MED26: variants seen among roughly 807,000 people sequenced by gnomAD.
The protein encoded by MED26 is mediator of RNA polymerase II transcription subunit 26.
A neutral mutation model predicts 43.7 loss-of-function variants in MED26; 7 were observed. The ratio of observed to expected loss-of-function variants is 0.16; its 90% CI spans 0.09 to 0.30. The LOEUF (loss-of-function observed/expected upper bound fraction) is 0.30, where lower values mean the gene tolerates loss of function less well. MED26 is among the 10% of genes least tolerant of loss of function. The probability of loss-of-function intolerance (pLI) is 1.00; values close to 1 mark genes in which losing one functional copy is unlikely to be tolerated. For synonymous variants in MED26, 375 were observed against 371.1 expected (o/e 1.01, Z -0.12); for missense variants, 784 against 840.6 (o/e 0.93, Z 0.83).
intron 1 of MED26, among the ~76,000 whole-genome samples, chr19:16,603,538 T>C (rs1198087037): frequency 6.6e-6 from 1 of 152,188 alleles, no homozygotes; most frequent in Admixed American, 6.5e-5. Flanking sequence ...AGGGCCTTTC[T>C]GAATGCTAAT....
At chr19:16,613,182 C>T (rs56200267) in intron 1 of MED26, among the ~76,000 whole-genome samples, 23,410 of 152,132 alleles carry the variant, frequency 0.15, 2,734 homozygotes, top group African/African-American at 0.33. Context: ...TGTAGAGATT[C>T]GAATCCAGGT....
In MED26 at chr19:16,601,250, G is replaced by C. The variant is rs537792748; in HGVS notation, c.73-22841C>G. Among the ~76,000 whole-genome samples the C allele has an allele frequency of 1.3e-4, 20 of 151,724 alleles. No homozygotes were observed. The South Asian group carries it at 2.5e-3, about 19-fold the overall frequency. ...GGCTCACCACAACCTCTGCTTCCTG[G>C]ATTCAAGCGATTCTCCTGCCTCAGC... On this transcript the variant is annotated intron_variant, in intron 1 of 2. Transcript: ENST00000263390.
chr19:16,592,396 G>C (rs1388827300), intron 1 of MED26, among the ~76,000 whole-genome samples: 1 of 152,200 alleles, frequency 6.6e-6, no homozygotes, highest in African/African-American at 2.4e-5. Context: ...GGTGTGACAG[G>C]GTCCAGACAA....
Position 16,586,928 on chromosome 19 carries a change from T to TA in MED26, c.73-8520dup, listed in dbSNP as rs1009390040. On this transcript the variant is annotated intron_variant, in intron 1 of 2. Coordinates refer to ENST00000263390, the MANE Select transcript of MED26 (RefSeq NM_004831.5). This position sits in a 1 kb window ranked among gnomAD's most constrained non-coding sequence, Gnocchi z 5.1. ...TGTTGTCGGGTTTTTTTTTTTTTTT[T>TA]AATGCAGAATGGTCTAGACAGTAAT... is the stretch of plus-strand genomic sequence containing the variant. 1 of 151,586 alleles carries TA rather than the reference T, an allele frequency of 6.6e-6. No individual in the cohort carries two copies. The highest frequency in any genetic ancestry group is 2.4e-5 in the African/African-American group (1 of 41,246). The allele number at this position is 151,586 out of a possible 1,614,324, so 9.4% of individuals were successfully genotyped here.
chr19:16,618,994 G>A (rs144101207), intron 1 of MED26, among the ~76,000 whole-genome samples: 183 of 152,188 alleles, frequency 1.2e-3, no homozygotes, highest in African/African-American at 4.2e-3. Context: ...TCACCTGACC[G>A]CAGACTTGCC....
chr19:16,616,657 G>C (rs891343012), intron 1 of MED26, among the ~76,000 whole-genome samples: 1 of 152,220 alleles, frequency 6.6e-6, no homozygotes, highest in Non-Finnish European at 1.5e-5. Flanking sequence ...GGGCTGTCTA[G>C]ACATCCAGGC....
Position 16,575,870 on chromosome 19 carries a change from G to A in MED26, c.*157C>T. 1 of 636,856 alleles carries A rather than the reference G, an allele frequency of 1.6e-6. No individual in the cohort carries two copies. Among genetic ancestry groups the A allele is most frequent in the Non-Finnish European group, 2.7e-6 (1 of 367,896 alleles). 39.5% of individuals were successfully genotyped at this position (636,856 alleles called of 1,614,324 possible). ...AAAAGAGTTTTGAGGGAAGAGCGCA[G>A]AGAGACCGCGTGACTCCCGCCCCCT... is the stretch of plus-strand genomic sequence containing the variant. On this transcript the variant is annotated 3_prime_UTR_variant, in exon 3 of 3. Transcript: ENST00000263390.
intron 1 of MED26, among the ~76,000 whole-genome samples, chr19:16,592,453 C>T (rs139501044): frequency 7.2e-5 from 11 of 152,346 alleles, no homozygotes; most frequent in African/African-American, 1.7e-4. Context: ...TGGTGGGGGA[C>T]GTACCGCCAC....
chr19:16,620,854 G>C (rs1018079850), intron 1 of MED26, among the ~76,000 whole-genome samples: 2 of 152,186 alleles, frequency 1.3e-5, no homozygotes, highest in Non-Finnish European at 1.5e-5. Flanking sequence ...AGCATGACTG[G>C]ATTAGGAGTA....
At chr19:16,580,030 G>A (rs554983908) in intron 1 of MED26, among the ~76,000 whole-genome samples, 1 of 152,238 alleles carries the variant, frequency 6.6e-6, no homozygotes, top group Admixed American at 6.5e-5. Flanking sequence ...CTTTCCGTCC[G>A]CCATTACAAA....
chr19:16,623,112 G>C (rs2086258903), intron 1 of MED26, among the ~76,000 whole-genome samples: 1 of 152,072 alleles, frequency 6.6e-6, no homozygotes, highest in Non-Finnish European at 1.5e-5. Context: ...ATATTCTGAG[G>C]ACCACCCAGA....
At chr19:16,588,011 A>C (rs2086078960) in intron 1 of MED26, 1 of 152,276 alleles carries the variant, frequency 6.6e-6, no homozygotes, top group South Asian at 2.1e-4. Context: ...TTCTGTTTTT[A>C]GCAGCTCTTC....
In MED26 at chr19:16,586,040, C is replaced by T. The variant is rs983612138; in HGVS notation, c.73-7631G>A. On this transcript the variant is annotated intron_variant, in intron 1 of 2. Coordinates refer to ENST00000263390, the MANE Select transcript of MED26 (RefSeq NM_004831.5). The surrounding 1 kb of genome is among the most constrained non-coding windows in gnomAD (Gnocchi z 5.1). Reference sequence around the variant, plus strand: ...CCCAGCAGCCCCTTGGCTTGCCTCTCCATTTTCTCCACATCTGAACTGTTC... The same window carrying T: ...CCCAGCAGCCCCTTGGCTTGCCTCTTCATTTTCTCCACATCTGAACTGTTC... Among the ~76,000 whole-genome samples, 1 of 152,258 alleles carries T rather than the reference C, an allele frequency of 6.6e-6. No individual in the cohort carries two copies. The highest frequency in any genetic ancestry group is 1.5e-5 in the Non-Finnish European group (1 of 68,048).
rs2085990961 is a variant in MED26 at position 16,575,753 on chromosome 19, T to A, written c.*274A>T. 2.3e-6 allele frequency: 1 copy of A among 442,320 alleles called. No individual in the cohort carries two copies. Among genetic ancestry groups the A allele is most frequent in the East Asian group, 3.8e-5 (1 of 26,328 alleles). The allele number at this position is 442,320 out of a possible 1,614,324, so 27.4% of individuals were successfully genotyped here. A position where few individuals can be genotyped will look rare whatever the true frequency, so the allele number is the denominator to read the frequency against. ...GGGACTAACGCTTTTTATAGCTGGT[T>A]TGCTATAGAGTTCTGAACTCACTTT... On this transcript the variant is annotated 3_prime_UTR_variant, in exon 3 of 3. Coordinates refer to ENST00000263390, the MANE Select transcript of MED26 (RefSeq NM_004831.5).
chr19:16,586,897 T>G lies in MED26; in HGVS notation c.73-8488A>C, dbSNP rs545937352. On this transcript the variant is annotated intron_variant, in intron 1 of 2. Transcript: ENST00000263390. The surrounding 1 kb of genome is among the most constrained non-coding windows in gnomAD (Gnocchi z 5.1). ...AACCGGTTCACTTTAAAAACAACAA[T>G]GGGGATGTTGTCGGGTTTTTTTTTT... 6.7e-6 allele frequency: 1 copy of G among 149,016 alleles called. No homozygotes were observed. The highest frequency in any genetic ancestry group is 2.1e-4 in the South Asian group (1 of 4,726). 9.2% of individuals were successfully genotyped at this position (149,016 alleles called of 1,614,324 possible). A position where few individuals can be genotyped will look rare whatever the true frequency, so the allele number is the denominator to read the frequency against.
At chr19:16,603,435 CCATGAGTGCT>C (rs1425097024) in intron 1 of MED26, among the ~76,000 whole-genome samples, 2 of 152,104 alleles carry the variant, frequency 1.3e-5, no homozygotes, top group East Asian at 3.8e-4. Flanking sequence ...CACTGTTAAG[CCATGAGTGCT>C]CATGAGTGCT....
intron 1 of MED26, among the ~76,000 whole-genome samples, chr19:16,591,664 GA>G (rs984509094): frequency 6.6e-6 from 1 of 152,188 alleles, no homozygotes; most frequent in African/African-American, 2.4e-5. Flanking sequence ...CTACACTCGA[GA>G]AAAGGCCAGC....
At chr19:16,626,168 G>A (rs1170235837) in intron 1 of MED26, among the ~76,000 whole-genome samples, 1 of 152,068 alleles carries the variant, frequency 6.6e-6, no homozygotes, top group Non-Finnish European at 1.5e-5. Flanking sequence ...TCAAAGTGCC[G>A]CCTGATCCCA....
chr19:16,585,432 G>A (rs1268149783), intron 1 of MED26, among the ~76,000 whole-genome samples: 1 of 152,116 alleles, frequency 6.6e-6, no homozygotes, highest in South Asian at 2.1e-4. Context: ...TGGCAAGAAG[G>A]GGTGGGGGCT....
Sources: gnomAD v4.1 joint callset for allele counts (sites outside exome capture counted in the v4.1 genomes callset) on GRCh38, gnomAD v4.1.1 for gene constraint, Gnocchi (gnomAD v3.1) non-coding constraint, MANE v1.5 for transcripts, NCBI Gene and HGNC (gene_info 2026-07-23, HGNC 2026-07-21) for gene names.